Variants in PAK5 observed in about 807,000 individuals in gnomAD.
The protein encoded by PAK5 is p21 (RAC1) activated kinase 5, also known as serine/threonine-protein kinase PAK 5.
PAK5 carries 16 observed loss-of-function variants against 65.9 expected under a neutral mutation model. The ratio of observed to expected loss-of-function variants is 0.24; its 90% CI spans 0.16 to 0.37. The LOEUF is 0.37. Ranked by LOEUF, PAK5 falls within the 10% of genes least tolerant of loss-of-function variation. The pLI, the probability that PAK5 is intolerant of heterozygous loss-of-function variation, is 1.00. For missense variants in PAK5, 785 were observed against 903.9 expected (o/e 0.87, Z 1.69); for synonymous variants, 371 against 354.9 (o/e 1.05, Z -0.51).
At chr20:9,751,741 G>T (rs1441526204) in intron 1 of PAK5, among the ~76,000 whole-genome samples, 3 of 152,026 alleles carry the variant, frequency 2.0e-5, no homozygotes, top group African/African-American at 7.2e-5. Flanking sequence ...CATAACAAAA[G>T]ATCATTTGTC....
rs1036356932 is a variant in PAK5 at position 9,660,673 on chromosome 20, C to T, written c.-11-16334G>A. ...TTAAATTAAGAAGGTGATATTTGAG[C>T]AAATATTTGAAGTTAGAAAGGATAC... On this transcript the variant is annotated intron_variant, in intron 2 of 9. Coordinates refer to ENST00000353224, the MANE Select transcript of PAK5 (RefSeq NM_177990.4). Among the ~76,000 whole-genome samples the T allele has an allele frequency of 2.0e-5, 3 of 152,120 alleles. No homozygotes were observed. The East Asian group carries it at 5.8e-4, about 30-fold the overall frequency.
At chr20:9,786,639 A>C (rs2048995592) in intron 1 of PAK5, among the ~76,000 whole-genome samples, 1 of 152,062 alleles carries the variant, frequency 6.6e-6, no homozygotes, top group Admixed American at 6.6e-5. Flanking sequence ...GAAGCTCATG[A>C]TTTTATGTCA....
chr20:9,702,645 T>C (rs1467834295), intron 2 of PAK5, among the ~76,000 whole-genome samples: 2 of 152,188 alleles, frequency 1.3e-5, no homozygotes, highest in Non-Finnish European at 2.9e-5. Context: ...TTTATAACCC[T>C]TCAGTTGTTC....
chr20:9,695,951 C>A (rs531466683), intron 2 of PAK5, among the ~76,000 whole-genome samples: 1 of 151,968 alleles, frequency 6.6e-6, no homozygotes, highest in Admixed American at 6.6e-5. Context: ...TTTAAATTTC[C>A]TAGTAGCCAC....
chr20:9,647,384 A>AT (rs2047148304), intron 2 of PAK5, among the ~76,000 whole-genome samples: 1 of 152,170 alleles, frequency 6.6e-6, no homozygotes, highest in Non-Finnish European at 1.5e-5. Context: ...AGCTATGACC[A>AT]TTTTTTAAAA....
At chr20:9,723,130 TA>T (rs776559744) in intron 1 of PAK5, among the ~76,000 whole-genome samples, 12 of 152,194 alleles carry the variant, frequency 7.9e-5, no homozygotes, top group Non-Finnish European at 1.5e-4. Flanking sequence ...ACTTACATTT[TA>T]AAAGTTTCCT....
intron 3 of PAK5, among the ~76,000 whole-genome samples, chr20:9,619,837 C>T (rs2046737979): frequency 1.3e-5 from 2 of 152,084 alleles, no homozygotes; most frequent in Admixed American, 1.3e-4. Context: ...CCAGGGCTCT[C>T]AACCAATCAT....
chr20:9,561,882 T>C (rs1231071381), intron 6 of PAK5, among the ~76,000 whole-genome samples: 1 of 152,176 alleles, frequency 6.6e-6, no homozygotes, highest in East Asian at 1.9e-4. Flanking sequence ...CCAAGTATGG[T>C]CCATGAACCA....
At chr20:9,734,258 T>C (rs2048364849) in intron 1 of PAK5, among the ~76,000 whole-genome samples, 1 of 152,164 alleles carries the variant, frequency 6.6e-6, no homozygotes, top group African/African-American at 2.4e-5. Context: ...AGAAGCTCTA[T>C]ATTGAGTGTC....
At chr20:9,554,079 G>A (rs895421097) in intron 7 of PAK5, among the ~76,000 whole-genome samples, 13 of 152,164 alleles carry the variant, frequency 8.5e-5, no homozygotes, top group Admixed American at 6.5e-4. Context: ...GGCCAATGAT[G>A]TTGAACATCT....
intron 3 of PAK5, among the ~76,000 whole-genome samples, chr20:9,584,127 A>G (rs548530141): frequency 6.6e-6 from 1 of 152,280 alleles, no homozygotes; most frequent in South Asian, 2.1e-4. Context: ...CCTCAGAGGA[A>G]CAACATCCAT....
At chr20:9,562,850 T>G in intron 6 of PAK5, 41 bp downstream of exon 6, 10 of 1,586,666 alleles carry the variant, frequency 6.3e-6, no homozygotes, top group Non-Finnish European at 8.6e-6. Flanking sequence ...TGGAGAAGAA[T>G]AAGAAGCACC....
Position 9,580,504 on chromosome 20 carries a change from C to T in PAK5, c.631G>A (p.Glu211Lys). ...SHLDSLSKPS[E>K]YSDLKWEYQR... is the part of the protein sequence containing the mutation. ...TACTCCCACTTGAGGTCACTGTATTCACTTGGTTTGCTCAGTGAGTCCAAA... is the reference window on the plus strand; with the variant it reads ...TACTCCCACTTGAGGTCACTGTATTTACTTGGTTTGCTCAGTGAGTCCAAA... Residue 211 changes from glutamate (E) to lysine (K), a missense_variant, in exon 4 of 10, where the codon GAA (glutamate) becomes AAA (lysine). Coordinates refer to ENST00000353224, the MANE Select transcript of PAK5 (RefSeq NM_177990.4). 1 of 1,614,116 alleles carries T rather than the reference C, an allele frequency of 6.2e-7. No homozygotes were observed. The highest frequency in any genetic ancestry group is 8.5e-7 in the Non-Finnish European group (1 of 1,180,004).
chr20:9,655,651 T>G (rs749851730), intron 2 of PAK5, among the ~76,000 whole-genome samples: 1 of 152,238 alleles, frequency 6.6e-6, no homozygotes, highest in Non-Finnish European at 1.5e-5. Flanking sequence ...TCTATCATTC[T>G]GCATAAATAC....
At chr20:9,681,945 C>G (rs2047655150) in intron 2 of PAK5, among the ~76,000 whole-genome samples, 1 of 152,162 alleles carries the variant, frequency 6.6e-6, no homozygotes, top group African/African-American at 2.4e-5. Context: ...TCTTAGGTTT[C>G]CTTCCAGAAC....
At chr20:9,555,223 A>G (rs2045488107) in intron 7 of PAK5, among the ~76,000 whole-genome samples, 1 of 152,220 alleles carries the variant, frequency 6.6e-6, no homozygotes, top group African/African-American at 2.4e-5. Flanking sequence ...GAACAAACCA[A>G]TAAGGACTAA....
At chr20:9,836,730 A>G (rs1397015938) in intron 1 of PAK5, among the ~76,000 whole-genome samples, 1 of 152,220 alleles carries the variant, frequency 6.6e-6, no homozygotes, top group African/African-American at 2.4e-5. Flanking sequence ...ATCATTATAT[A>G]GGGCACATAG....
chr20:9,749,597 C>A (rs1440442891), intron 1 of PAK5, among the ~76,000 whole-genome samples: 1 of 152,128 alleles, frequency 6.6e-6, no homozygotes, highest in Non-Finnish European at 1.5e-5. Context: ...AATGGGAAGT[C>A]ATATTATTGC....
chr20:9,635,027 A>G (rs2046966863), intron 3 of PAK5, among the ~76,000 whole-genome samples: 1 of 152,194 alleles, frequency 6.6e-6, no homozygotes, highest in Non-Finnish European at 1.5e-5. Context: ...CTGAAGTGGC[A>G]TTTTTGACAA....
Sources: gnomAD v4.1 joint callset for allele counts (sites outside exome capture counted in the v4.1 genomes callset) on GRCh38, gnomAD v4.1.1 for gene constraint, MANE v1.5 for transcripts, NCBI Gene and HGNC (gene_info 2026-07-23, HGNC 2026-07-21) for gene names.